The following CACNA1E variants were observed in gnomAD, a reference collection of about 807,000 sequenced individuals.
The protein encoded by CACNA1E is voltage-dependent R-type calcium channel subunit alpha-1E.
A neutral mutation model predicts 259.2 loss-of-function variants in CACNA1E; 40 were observed. The observed-to-expected ratio is 0.15, with a 90% CI of 0.12 to 0.20. CACNA1E has a LOEUF of 0.20. Ranked by LOEUF, CACNA1E falls within the 10% of genes least tolerant of loss-of-function variation. The probability of loss-of-function intolerance (pLI) is 1.00; values close to 1 mark genes in which losing one functional copy is unlikely to be tolerated. For missense variants in CACNA1E, 1,874 were observed against 3,040.1 expected (o/e 0.62, Z 9.02); for synonymous variants, 1,104 against 1,138.5 (o/e 0.97, Z 0.61).
upstream of CACNA1E, among the ~76,000 whole-genome samples, chr1:181,481,039 T>C (rs1663196393): frequency 6.6e-6 from 1 of 152,150 alleles, no homozygotes; most frequent in Non-Finnish European, 1.5e-5. Context: ...AGATAGCCAC[T>C]TGGGACTAGT....
intron 2 of CACNA1E, among the ~76,000 whole-genome samples, chr1:181,435,287 T>C (rs956973349): frequency 6.6e-6 from 1 of 152,226 alleles, no homozygotes; most frequent in African/African-American, 2.4e-5. Context: ...GGAGGCAATA[T>C]GCAGTTTTGA....
intron 1 of CACNA1E, among the ~76,000 whole-genome samples, chr1:181,504,486 T>C (rs926503497): frequency 2.0e-5 from 3 of 152,170 alleles, no homozygotes; most frequent in African/African-American, 7.2e-5. Context: ...CTGGTGGTGA[T>C]AGAGATGCAT....
intron 2 of CACNA1E, among the ~76,000 whole-genome samples, chr1:181,416,739 C>A (rs967309981): frequency 2.0e-4 from 30 of 152,146 alleles, no homozygotes; most frequent in African/African-American, 7.0e-4. Context: ...ACCATTACTC[C>A]CCTCTCCTGT....
intron 7 of CACNA1E, among the ~76,000 whole-genome samples, chr1:181,655,948 A>T (rs1377056670): frequency 6.6e-6 from 1 of 152,200 alleles, no homozygotes; most frequent in African/African-American, 2.4e-5. Flanking sequence ...AGTGGAGCTG[A>T]AAAATTCCTG....
intron 1 of CACNA1E, among the ~76,000 whole-genome samples, chr1:181,338,570 G>T (rs930059955): frequency 6.8e-6 from 1 of 147,826 alleles, no homozygotes; most frequent in Non-Finnish European, 1.5e-5. Flanking sequence ...CTCTTTGTCA[G>T]ATATGTAGTT....
intron 1 of CACNA1E, among the ~76,000 whole-genome samples, chr1:181,318,570 G>C (rs1245031506): frequency 6.6e-6 from 1 of 151,448 alleles, no homozygotes; most frequent in Non-Finnish European, 1.5e-5. Flanking sequence ...GCAAGCCTTG[G>C]GGCCTCTGGC....
At chr1:181,601,943 G>A (rs1303564798) in intron 6 of CACNA1E, among the ~76,000 whole-genome samples, 1 of 152,082 alleles carries the variant, frequency 6.6e-6, no homozygotes, top group Non-Finnish European at 1.5e-5. Flanking sequence ...TGACATGTTG[G>A]GCATGCTTCT....
At chr1:181,461,249 A>T (rs1661781067) in intron 2 of CACNA1E, among the ~76,000 whole-genome samples, 1 of 152,172 alleles carries the variant, frequency 6.6e-6, no homozygotes, top group Admixed American at 6.5e-5. Context: ...GATAGTTTAA[A>T]AGAAGTGTTG....
chr1:181,624,170 C>T (rs1012181245), intron 6 of CACNA1E, among the ~76,000 whole-genome samples: 1 of 152,082 alleles, frequency 6.6e-6, no homozygotes, highest in African/African-American at 2.4e-5. Flanking sequence ...AACTCGTCAT[C>T]ATTAGGATGG....
At chr1:181,692,080 A>G (rs1465238813) in intron 7 of CACNA1E, among the ~76,000 whole-genome samples, 3 of 152,122 alleles carry the variant, frequency 2.0e-5, no homozygotes, top group Non-Finnish European at 4.4e-5. Context: ...CACAAAAAAT[A>G]AATACCTAGC....
chr1:181,592,006 A>C (rs1164193676), intron 6 of CACNA1E, among the ~76,000 whole-genome samples: 1 of 152,080 alleles, frequency 6.6e-6, no homozygotes, highest in Non-Finnish European at 1.5e-5. Flanking sequence ...GCCACTTTAC[A>C]CTTTCCATTT....
At chr1:181,345,920 C>T (rs938626890) in intron 1 of CACNA1E, among the ~76,000 whole-genome samples, 1 of 152,198 alleles carries the variant, frequency 6.6e-6, no homozygotes, top group African/African-American at 2.4e-5. Context: ...CGAGGGTGAG[C>T]TTCAGCTCCC....
intron 22 of CACNA1E, 120 bp from the exon 23 acceptor site, chr1:181,737,405 G>A (rs752689255): frequency 1.1e-5 from 12 of 1,140,986 alleles, no homozygotes; most frequent in African/African-American, 1.5e-5. Context: ...TCTCCCTGGC[G>A]GCTTCCTTTG....
intron 3 of CACNA1E, among the ~76,000 whole-genome samples, chr1:181,560,248 G>T (rs10797727): frequency 0.32 from 47,617 of 149,310 alleles, 7,673 homozygotes; most frequent in Middle Eastern, 0.38. Context: ...GTTTTTTTTT[G>T]TGTGTGTGAT....
Position 181,783,903 on chromosome 1 carries a change from C to T in CACNA1E, c.5470+119C>T. Reference sequence around the variant, plus strand: ...CCAGTTAAGGACACAATAATGCAGTCATCTGAACATCAAGTATCTGACTCA... The same window carrying T: ...CCAGTTAAGGACACAATAATGCAGTTATCTGAACATCAAGTATCTGACTCA... On this transcript the variant is annotated intron_variant, in intron 40 of 47. Coordinates refer to ENST00000367573, the MANE Select transcript of CACNA1E (RefSeq NM_001205293.3). The T allele has an allele frequency of 1.1e-5, 7 of 619,234 alleles. No individual in the cohort carries two copies. The South Asian group carries it at 1.6e-4, about 14-fold the overall frequency. 38.4% of individuals were successfully genotyped at this position (619,234 alleles called of 1,614,324 possible).
At chr1:181,392,742 G>A (rs1370293017) in intron 1 of CACNA1E, among the ~76,000 whole-genome samples, 2 of 152,214 alleles carry the variant, frequency 1.3e-5, no homozygotes, top group Non-Finnish European at 2.9e-5. Flanking sequence ...ACAGTCATTG[G>A]AACCAAATGT....
intron 7 of CACNA1E, among the ~76,000 whole-genome samples, chr1:181,654,226 A>AAT (rs10627806): frequency 0.12 from 17,562 of 149,854 alleles, 1,136 homozygotes; most frequent in South Asian, 0.26. Context: ...TTTACAAAGT[A>AAT]ATATATATAT....
intron 2 of CACNA1E, among the ~76,000 whole-genome samples, chr1:181,426,522 T>G (rs1659222926): frequency 7.0e-6 from 1 of 143,032 alleles, no homozygotes. Context: ...TCTCAACCCC[T>G]TCACAACTCA....
At chr1:181,631,259 G>A (rs1029004925) in intron 6 of CACNA1E, among the ~76,000 whole-genome samples, 1 of 152,148 alleles carries the variant, frequency 6.6e-6, no homozygotes, top group African/African-American at 2.4e-5. Context: ...GGAGACCTCT[G>A]AGAATAGACT....
Sources: gnomAD v4.1 joint callset for allele counts (sites outside exome capture counted in the v4.1 genomes callset) on GRCh38, gnomAD v4.1.1 for gene constraint, MANE v1.5 for transcripts, NCBI Gene and HGNC (gene_info 2026-07-23, HGNC 2026-07-21) for gene names.